KCNJ1: variants seen among roughly 807,000 people sequenced by gnomAD.
The protein encoded by KCNJ1 is potassium inwardly rectifying channel subfamily J member 1.
A neutral mutation model predicts 21.9 loss-of-function variants in KCNJ1; 24 were observed. The ratio of observed to expected loss-of-function variants is 1.10; its 90% confidence interval spans 0.79 to 1.54. KCNJ1 has a LOEUF of 1.54. KCNJ1 is among the 40% of genes most tolerant of loss of function. The pLI, the probability that KCNJ1 is intolerant of heterozygous loss-of-function variation, is 0.00. For missense variants in KCNJ1, 457 were observed against 455.4 expected, an observed-to-expected ratio of 1.00 and a Z score of -0.03; for synonymous variants, 152 against 160.9, an observed-to-expected ratio of 0.94 and a Z score of 0.42.
intron 1 of KCNJ1, among the ~76,000 whole-genome samples, chr11:128,854,297 A>T (rs1314278641): frequency 6.6e-6 from 1 of 152,132 alleles, no homozygotes; most frequent in Non-Finnish European, 1.5e-5. Flanking sequence ...TTTTGTTTGA[A>T]TGTTTTTGAG....
chr11:128,855,698 T>C (rs1410935925), intron 1 of KCNJ1, among the ~76,000 whole-genome samples: 1 of 152,192 alleles, frequency 6.6e-6, no homozygotes, highest in African/African-American at 2.4e-5. Flanking sequence ...AGGAAATCTG[T>C]TTCCCAATGC....
At chr11:128,864,278 G>GT (rs1257747048) in intron 1 of KCNJ1, among the ~76,000 whole-genome samples, 2 of 151,460 alleles carry the variant, frequency 1.3e-5, no homozygotes, top group African/African-American at 4.9e-5. Flanking sequence ...GACAGATGAG[G>GT]TTTTTCCATG....
chr11:128,851,086 C>T (rs911608968), intron 1 of KCNJ1, among the ~76,000 whole-genome samples, 196 bp from the exon 2 acceptor site: 5 of 152,184 alleles, frequency 3.3e-5, no homozygotes, highest in African/African-American at 1.2e-4. Context: ...ACACTGAGGC[C>T]ACATCTCCCT....
intron 2 of KCNJ1, among the ~76,000 whole-genome samples, chr11:128,842,793 A>G (rs1943308317): frequency 6.6e-6 from 1 of 152,166 alleles, no homozygotes; most frequent in South Asian, 2.1e-4. Flanking sequence ...GTGCCTAATA[A>G]CAACTGGCCG....
chr11:128,867,028 G>C (rs1258506943), intron 1 of KCNJ1, 145 bp downstream of exon 1: 1 of 152,238 alleles, frequency 6.6e-6, no homozygotes, highest in Non-Finnish European at 1.5e-5. Flanking sequence ...CATCCAGTGA[G>C]TGAGTTAAAA....
intron 1 of KCNJ1, among the ~76,000 whole-genome samples, chr11:128,860,593 C>A (rs1943687103): frequency 6.6e-6 from 1 of 152,170 alleles, no homozygotes; most frequent in Non-Finnish European, 1.5e-5. Context: ...AAAATTAGCC[C>A]ACTGCCACCT....
chr11:128,843,811 T>C (rs1004470944), intron 2 of KCNJ1, among the ~76,000 whole-genome samples: 2 of 152,246 alleles, frequency 1.3e-5, no homozygotes, highest in Admixed American at 6.5e-5. Flanking sequence ...TGATACCCAA[T>C]GTTGACTGTG....
rs369455370 is a variant in KCNJ1 at position 128,839,487 on chromosome 11, T to A, written c.757A>T (p.Ile253Phe). The A allele has an allele frequency of 1.2e-6, 2 of 1,614,228 alleles. No individual in the cohort carries two copies. Among genetic ancestry groups the A allele is most frequent in the Admixed American group, 1.7e-5 (1 of 60,026 alleles). ...TGGAAGAAAGGGCTGTTGTGATCAA[T>A]GACATGGTAAATTGTCAATGGGGAG... ...FISPLTIYHV[I>F]DHNSPFFHMA... The change falls in exon 3 of 3, where the codon ATT (isoleucine) becomes TTT (phenylalanine). Residue 253 changes from isoleucine (I) to phenylalanine (F), a missense_variant. By Grantham distance (21) the Ile-to-Phe change is conservative. Transcript: ENST00000392666.
At chr11:128,851,376 T>C (rs1943475625) in intron 1 of KCNJ1, among the ~76,000 whole-genome samples, 1 of 152,232 alleles carries the variant, frequency 6.6e-6, no homozygotes, top group Admixed American at 6.5e-5. Flanking sequence ...GTGGATTATT[T>C]TATAAAGTGA....
rs544396230 is a variant in KCNJ1, at chr11:128,839,059, C to T, written c.*66G>A. On this transcript the variant is annotated 3_prime_UTR_variant, in exon 3 of 3. Transcript: ENST00000392666. ...TTTCGTACCCCTAAATTGTTGACTG[C>T]TTCATAATGCTTCTAGGTACTAGGA... is the stretch of plus-strand genomic sequence containing the variant. 6.9e-7 allele frequency: 1 copy of T among 1,451,696 alleles called. No homozygotes were observed. The highest frequency in any genetic ancestry group is 9.6e-7 in the Non-Finnish European group (1 of 1,044,632). 89.9% of individuals were successfully genotyped at this position (1,451,696 alleles called of 1,614,324 possible).
intron 1 of KCNJ1, among the ~76,000 whole-genome samples, chr11:128,861,351 G>C (rs1409501746): frequency 6.6e-6 from 1 of 152,186 alleles, no homozygotes; most frequent in Non-Finnish European, 1.5e-5. Flanking sequence ...GGGTCAATGG[G>C]GATGGTACCA....
intron 1 of KCNJ1, among the ~76,000 whole-genome samples, chr11:128,866,832 A>G (rs978961702): frequency 1.5e-4 from 23 of 152,172 alleles, no homozygotes; most frequent in African/African-American, 5.1e-4. Context: ...TCTTGCTACA[A>G]TTGAAAGGAT....
At chr11:128,844,367 A>G (rs1943343147) in intron 2 of KCNJ1, among the ~76,000 whole-genome samples, 1 of 152,228 alleles carries the variant, frequency 6.6e-6, no homozygotes, top group Non-Finnish European at 1.5e-5. Context: ...TTGGTGTACC[A>G]TTTGACAGGT....
intron 1 of KCNJ1, among the ~76,000 whole-genome samples, chr11:128,866,311 C>A (rs775628923): frequency 7.5e-4 from 114 of 152,212 alleles, no homozygotes; most frequent in Non-Finnish European, 3.5e-4. Context: ...ACCAGCAGAT[C>A]AAAAGCATCC....
At chr11:128,840,578 G>A (rs948894975) in intron 2 of KCNJ1, among the ~76,000 whole-genome samples, 20 of 152,144 alleles carry the variant, frequency 1.3e-4, no homozygotes, top group East Asian at 1.9e-4. Flanking sequence ...AAATATGTTT[G>A]TAATAACCAA....
chr11:128,842,349 T>A (rs757675237), intron 2 of KCNJ1: 1 of 1,612,944 alleles, frequency 6.2e-7, no homozygotes, highest in Non-Finnish European at 8.5e-7. Flanking sequence ...TGCCTGGCTT[T>A]CCAGAGAGGT....
chr11:128,849,265 T>G (rs1274291593), intron 2 of KCNJ1, among the ~76,000 whole-genome samples: 1 of 152,230 alleles, frequency 6.6e-6, no homozygotes, highest in African/African-American at 2.4e-5. Context: ...GTCTTTGCTT[T>G]TAAGCCCTAA....
intron 2 of KCNJ1, among the ~76,000 whole-genome samples, chr11:128,842,808 CACTT>C (rs1209368020): frequency 6.6e-6 from 1 of 152,166 alleles, no homozygotes; most frequent in Non-Finnish European, 1.5e-5. Flanking sequence ...TGGCCGGAAA[CACTT>C]ACTTATCATC....
chr11:128,844,099 A>G (rs1158535219), intron 2 of KCNJ1, among the ~76,000 whole-genome samples: 2 of 152,266 alleles, frequency 1.3e-5, no homozygotes, highest in Non-Finnish European at 2.9e-5. Context: ...ACATTAATCA[A>G]TGAGAATATA....
Sources: allele counts gnomAD v4.1 joint callset (sites outside exome capture counted in the v4.1 genomes callset), GRCh38; gene constraint gnomAD v4.1.1; transcripts MANE v1.5; gene names NCBI Gene and HGNC (gene_info 2026-07-23, HGNC 2026-07-21).